SS18L1: variants seen among roughly 807,000 people sequenced by gnomAD.
SS18L1 encodes the protein calcium-responsive transactivator.
Under a neutral mutation model 70.3 loss-of-function variants are expected in SS18L1, and 32 were observed. The observed-to-expected ratio is 0.46, with a 90% confidence interval of 0.34 to 0.61. The LOEUF (loss-of-function observed/expected upper bound fraction) is 0.61, where lower values mean the gene tolerates loss of function less well. SS18L1 is among the 20% of genes least tolerant of loss of function. The pLI is 0.01. For missense variants in SS18L1, 430 were observed against 542.1 expected (o/e 0.79, Z 2.05); for synonymous variants, 237 against 229.7 (o/e 1.03, Z -0.29).
At chr20:62,147,347 C>T (rs1321046242) in intron 1 of SS18L1, among the ~76,000 whole-genome samples, 2 of 152,090 alleles carry the variant, frequency 1.3e-5, no homozygotes, top group Non-Finnish European at 2.9e-5. Flanking sequence ...GCCATGTCCC[C>T]ACGGTGGCCC....
Position 62,182,403 on chromosome 20 carries a change from AT to A in SS18L1, c.*3204del, listed in dbSNP as rs561371579. ...CATTTAAAAAACATCCTTATCGGTTATTTTTTTTTCAGTCGGAGTTTGACGT... is the reference window on the plus strand; with the variant it reads ...CATTTAAAAAACATCCTTATCGGTTATTTTTTTTCAGTCGGAGTTTGACGT... On this transcript the variant is annotated 3_prime_UTR_variant, in exon 11 of 11. Coordinates refer to ENST00000331758, the MANE Select transcript of SS18L1 (RefSeq NM_198935.3). 5.6e-4 allele frequency: 111 copies of A among 198,614 alleles called. No individual in the cohort carries two copies. The Middle Eastern group carries it at 6.9e-3, about 12-fold the overall frequency. The allele number at this position is 198,614 out of a possible 1,614,324, so 12.3% of individuals were successfully genotyped here. A position where few individuals can be genotyped will look rare whatever the true frequency, so the allele number is the denominator to read the frequency against.
rs867672711 is a variant in SS18L1, at chr20:62,159,214, A to G, written c.146+466A>G. ...GCCAGCGCACCAGGAGACAGCACCT[A>G]CTCCAGGTGGGACCTCCTGTGACCC... On this transcript the variant is annotated intron_variant, in intron 2 of 10. Transcript: ENST00000331758. This position sits in a 1 kb window ranked among gnomAD's most constrained non-coding sequence, Gnocchi z 4.4. 2.6e-5 allele frequency among the ~76,000 whole-genome samples: 4 copies of G among 152,032 alleles called. No individual in the cohort carries two copies. Among genetic ancestry groups the G allele is most frequent in the Non-Finnish European group, 5.9e-5 (4 of 67,986 alleles).
chr20:62,143,787 T>C lies in SS18L1; in HGVS notation c.-34T>C. 7.7e-7 allele frequency: 1 copy of C among 1,304,480 alleles called. No individual in the cohort carries two copies. Among genetic ancestry groups the C allele is most frequent in the Non-Finnish European group, 1.0e-6 (1 of 993,622 alleles). The allele number at this position is 1,304,480 out of a possible 1,614,324, so 80.8% of individuals were successfully genotyped here. A position where few individuals can be genotyped will look rare whatever the true frequency, so the allele number is the denominator to read the frequency against. The stretch of plus-strand genomic sequence containing the variant: ...GCCCAGCGCAGCCGGAGTATCCACC[T>C]CGATGACCACGGGCTGAGCCCCGCG... On this transcript the variant is annotated 5_prime_UTR_variant, in exon 1 of 11. Transcript: ENST00000331758.
At chr20:62,157,316 C>T (rs936206362) in intron 1 of SS18L1, among the ~76,000 whole-genome samples, 2 of 152,182 alleles carry the variant, frequency 1.3e-5, no homozygotes, top group Non-Finnish European at 2.9e-5. Context: ...GGGGAGTGCT[C>T]CGGAGCCCTC....
intron 1 of SS18L1, among the ~76,000 whole-genome samples, chr20:62,145,983 C>T (rs535221832): frequency 1.5e-4 from 22 of 148,992 alleles, no homozygotes; most frequent in African/African-American, 5.7e-4. Flanking sequence ...ACAACTTGTC[C>T]TTACAGCATT....
At chr20:62,167,656 C>G (rs910806831) in intron 8 of SS18L1, among the ~76,000 whole-genome samples, 1 of 152,234 alleles carries the variant, frequency 6.6e-6, no homozygotes, top group Admixed American at 6.5e-5. Flanking sequence ...AGCAGGATCT[C>G]TGCCATCATG....
At chr20:62,155,259 C>A (rs540348733) in intron 1 of SS18L1, among the ~76,000 whole-genome samples, 27 of 152,022 alleles carry the variant, frequency 1.8e-4, no homozygotes, top group East Asian at 7.8e-4. Flanking sequence ...ACAAAAAAAA[C>A]CCATTTAGCC....
chr20:62,146,571 T>C (rs1423548670), intron 1 of SS18L1, among the ~76,000 whole-genome samples: 1 of 149,608 alleles, frequency 6.7e-6, no homozygotes, highest in Non-Finnish European at 1.5e-5. Flanking sequence ...GTTCTCTGGC[T>C]TGTAGGTGCA....
chr20:62,150,633 A>ATTT (rs34708339), intron 1 of SS18L1, among the ~76,000 whole-genome samples: 2,355 of 58,014 alleles, frequency 0.041, 808 homozygotes, highest in Non-Finnish European at 0.066. Context: ...ATTGAGGTGG[A>ATTT]TTTTTTTTTT....
At position 62,172,816 on chromosome 20, in the gene SS18L1, C is replaced by T. The variant is rs371378277; in HGVS notation, c.1036+15C>T. 7.4e-6 allele frequency: 12 copies of T among 1,611,634 alleles called. 1 individual carries two copies. The highest frequency in any genetic ancestry group is 2.2e-5 in the South Asian group (2 of 90,924). On this transcript the variant is annotated intron_variant, in intron 9 of 10. Coordinates refer to ENST00000331758, the MANE Select transcript of SS18L1 (RefSeq NM_198935.3). ...GCAGGGCTACGGTAAGAGGCGAGCA[C>T]GGTCCTCGGGGCCCCCCAGCGCCCA...
intron 8 of SS18L1, among the ~76,000 whole-genome samples, chr20:62,170,632 C>T (rs1183074589): frequency 6.6e-6 from 1 of 152,270 alleles, no homozygotes; most frequent in East Asian, 1.9e-4. Flanking sequence ...TTTCATGCAA[C>T]ACATCTGAAA....
chr20:62,175,355 CTGAG>C (rs2057603180), intron 10 of SS18L1: 1 of 985,402 alleles, frequency 1.0e-6, no homozygotes. Context: ...CGCTTTCCCT[CTGAG>C]TGGGATGGGG....
Position 62,177,566 on chromosome 20 carries a change from T to C in SS18L1, c.1165-1616T>C, listed in dbSNP as rs75254620. Among the ~76,000 whole-genome samples, 639 of 152,320 alleles carry C rather than the reference T, an allele frequency of 4.2e-3. 5 individuals are homozygous for C. The highest frequency in any genetic ancestry group is 0.014 in the African/African-American group (602 of 41,566). On this transcript the variant is annotated intron_variant, in intron 10 of 10. Coordinates refer to ENST00000331758, the MANE Select transcript of SS18L1 (RefSeq NM_198935.3). ...TGATCATTAACTAGCTGGGGACACA[T>C]GGAGAACAGGCATGCAGATGATGAT...
chr20:62,143,862 G>C lies in SS18L1; in HGVS notation c.42G>C (p.Gly14=), dbSNP rs368084299. The C allele has an allele frequency of 7.7e-7, 1 of 1,304,768 alleles. No homozygotes were observed. The highest frequency in any genetic ancestry group is 1.5e-5 in the South Asian group (1 of 68,474). The allele number at this position is 1,304,768 out of a possible 1,614,324, so 80.8% of individuals were successfully genotyped here. A position where few individuals can be genotyped will look rare whatever the true frequency, so the allele number is the denominator to read the frequency against. ...AFASARPRGK[G]EVTQQTIQKM... Reference sequence around the variant, plus strand: ...CGTCTGCCCGGCCAAGAGGCAAAGGGGAGGTTACGCAGCAAACCATCCAGA... The same window carrying C: ...CGTCTGCCCGGCCAAGAGGCAAAGGCGAGGTTACGCAGCAAACCATCCAGA... Residue 14 remains glycine (G), a synonymous_variant, in exon 1 of 11, where the codon GGG becomes GGC. Coordinates refer to ENST00000331758, the MANE Select transcript of SS18L1 (RefSeq NM_198935.3).
At chr20:62,154,391 G>T (rs148036554) in intron 1 of SS18L1, 1 of 1,048,460 alleles carries the variant, frequency 9.5e-7, no homozygotes. Flanking sequence ...GCCTGGTTGC[G>T]GTTTCGGCGG....
chr20:62,168,556 C>T (rs1429176154), intron 8 of SS18L1, among the ~76,000 whole-genome samples: 3 of 151,970 alleles, frequency 2.0e-5, no homozygotes, highest in African/African-American at 7.2e-5. Flanking sequence ...TGCAGTGGCT[C>T]CCACCTGTGA....
rs374771813 is a variant in SS18L1 at position 62,179,290 on chromosome 20, G to A, written c.*82G>A. On this transcript the variant is annotated 3_prime_UTR_variant, in exon 11 of 11. Coordinates refer to ENST00000331758, the MANE Select transcript of SS18L1 (RefSeq NM_198935.3). ...GGGCTGGCGGCAGCTCTGGTGAATT[G>A]TGACATGTTGGTTACCTGTTCGCCC... is the stretch of plus-strand genomic sequence containing the variant. 7.9e-6 allele frequency: 12 copies of A among 1,522,766 alleles called. No homozygotes were observed. In the African/African-American group the frequency reaches 1.6e-4, roughly 21 times the overall value. 94.3% of individuals were successfully genotyped at this position (1,522,766 alleles called of 1,614,324 possible).
At chr20:62,150,555 A>G (rs111995355) in intron 1 of SS18L1, among the ~76,000 whole-genome samples, 21 of 148,818 alleles carry the variant, frequency 1.4e-4, no homozygotes, top group African/African-American at 4.4e-4. Context: ...AACAATTTCA[A>G]TGTCTGTCCA....
At chr20:62,165,177 G>C (rs1442196556) in intron 7 of SS18L1, among the ~76,000 whole-genome samples, 1 of 152,242 alleles carries the variant, frequency 6.6e-6, no homozygotes, top group Non-Finnish European at 1.5e-5. Context: ...TGAAAGCGCT[G>C]ATCCTCTGCA....
Sources: allele counts gnomAD v4.1 joint callset (sites outside exome capture counted in the v4.1 genomes callset), GRCh38; gene constraint gnomAD v4.1.1; non-coding constraint Gnocchi (gnomAD v3.1); transcripts MANE v1.5; gene names NCBI Gene and HGNC (gene_info 2026-07-23, HGNC 2026-07-21).